Variants in UNC13C observed in about 807,000 individuals in gnomAD.
UNC13C encodes protein unc-13 homolog C.
UNC13C carries 174 observed loss-of-function variants against 245.4 expected under a neutral mutation model. The ratio of observed to expected loss-of-function variants is 0.71; its 90% confidence interval spans 0.63 to 0.80. UNC13C has a LOEUF of 0.80. UNC13C is among the 30% of genes least tolerant of loss of function. The pLI is 0.00. For missense variants in UNC13C, 2,829 were observed against 2,602.9 expected, an observed-to-expected ratio of 1.09 and a Z score of -1.89; for synonymous variants, 992 against 895.1, an observed-to-expected ratio of 1.11 and a Z score of -1.93.
At chr15:54,324,169 A>G (rs1458787766) in intron 14 of UNC13C, among the ~76,000 whole-genome samples, 1 of 152,086 alleles carries the variant, frequency 6.6e-6, no homozygotes, top group African/African-American at 2.4e-5. Context: ...TTTTCTAGCT[A>G]TCAAAAATAA....
At chr15:54,605,470 C>A (rs1262013159) in intron 30 of UNC13C, among the ~76,000 whole-genome samples, 1 of 152,116 alleles carries the variant, frequency 6.6e-6, no homozygotes, top group African/African-American at 2.4e-5. Flanking sequence ...CTTTGGAGCC[C>A]CCATACTTGT....
rs188694221 is a variant in UNC13C, at chr15:54,372,796, A to G, written c.4714-20252A>G. ...ATGCTCTAAAGCAGTGCTGGCCAAT[A>G]GAACTTTGTGCAGTGGTAGAAGCAT... is the stretch of plus-strand genomic sequence containing the variant. On this transcript the variant is annotated intron_variant, in intron 17 of 32. Transcript: ENST00000260323. Among the ~76,000 whole-genome samples the G allele has an allele frequency of 1.9e-3, 287 of 152,360 alleles. 5 individuals carry two copies. The highest frequency in any genetic ancestry group is 6.7e-3 in the African/African-American group (278 of 41,592).
chr15:54,541,083 G>A lies in UNC13C; in HGVS notation c.5697-5639G>A, dbSNP rs984318245. ...CAGTTTTCAAATTACAGGAGCCGGAGTTCCACATACATGCCTCAGGGGTCC... is the reference window on the plus strand; with the variant it reads ...CAGTTTTCAAATTACAGGAGCCGGAATTCCACATACATGCCTCAGGGGTCC... On this transcript the variant is annotated intron_variant, in intron 26 of 32. Coordinates refer to ENST00000260323, the MANE Select transcript of UNC13C (RefSeq NM_001080534.3). Among the ~76,000 whole-genome samples, 5 of 152,188 alleles carry A rather than the reference G, an allele frequency of 3.3e-5. No individual in the cohort carries two copies. The East Asian group carries it at 9.6e-4, about 29-fold the overall frequency.
the UNC13C span, among the ~76,000 whole-genome samples, chr15:53,847,701 G>C: frequency 6.6e-6 from 1 of 151,984 alleles, no homozygotes; most frequent in Admixed American, 6.6e-5. Flanking sequence ...CCTAGATTGA[G>C]AGGATATGGC....
intron 30 of UNC13C, among the ~76,000 whole-genome samples, chr15:54,602,181 T>C (rs1899474349): frequency 6.6e-6 from 1 of 152,188 alleles, no homozygotes; most frequent in Admixed American, 6.6e-5. Flanking sequence ...AAACCTGTAG[T>C]GGTTTCCATG....
intron 2 of UNC13C, among the ~76,000 whole-genome samples, chr15:54,135,005 A>G (rs1468310006): frequency 2.0e-5 from 3 of 152,100 alleles, no homozygotes; most frequent in African/African-American, 7.2e-5. Context: ...AATTATAACC[A>G]TTCTAACAGG....
rs1326600239 is a variant in UNC13C, at chr15:54,383,796, T to C, written c.4714-9252T>C. Among the ~76,000 whole-genome samples, 12 of 152,070 alleles carry C rather than the reference T, an allele frequency of 7.9e-5. 1 individual carries two copies. Among genetic ancestry groups the C allele is most frequent in the Admixed American group, 7.9e-4 (12 of 15,242 alleles). On this transcript the variant is annotated intron_variant, in intron 17 of 32. Transcript: ENST00000260323. Reference sequence around the variant, plus strand: ...AGACTACCAGAAAATTCTTAGAACTTATAAACAAAGTCAGTAAAGTTGAAG... The same window carrying C: ...AGACTACCAGAAAATTCTTAGAACTCATAAACAAAGTCAGTAAAGTTGAAG...
the UNC13C span, among the ~76,000 whole-genome samples, chr15:53,850,340 C>T: frequency 3.3e-5 from 5 of 151,932 alleles, no homozygotes; most frequent in African/African-American, 7.3e-5. Context: ...ACTTGAACCC[C>T]GGTGGTTGAG....
At chr15:54,341,742 C>T (rs545000789) in intron 17 of UNC13C, among the ~76,000 whole-genome samples, 5 of 151,952 alleles carry the variant, frequency 3.3e-5, no homozygotes, top group South Asian at 4.2e-4. Context: ...CTTGGGAGGC[C>T]GAGGCAGGTA....
chr15:54,193,935 GA>G (rs1320919364), intron 4 of UNC13C, among the ~76,000 whole-genome samples: 1 of 152,168 alleles, frequency 6.6e-6, no homozygotes, highest in Non-Finnish European at 1.5e-5. Context: ...AGGTTCTACT[GA>G]AGAGAACAGA....
intron 30 of UNC13C, among the ~76,000 whole-genome samples, chr15:54,607,013 G>T (rs985779713): frequency 1.3e-5 from 2 of 152,138 alleles, no homozygotes; most frequent in Non-Finnish European, 2.9e-5. Context: ...TTCCTGTGGA[G>T]AAATCAGGGA....
At chr15:54,529,955 T>G (rs1194302354) in intron 25 of UNC13C, among the ~76,000 whole-genome samples, 1 of 152,138 alleles carries the variant, frequency 6.6e-6, no homozygotes, top group Non-Finnish European at 1.5e-5. Context: ...TCTCCAAGAT[T>G]TGAATATCTT....
At position 54,589,275 on chromosome 15, in the gene UNC13C, A is replaced by ATCT. The variant is rs763547702; in HGVS notation, c.6106+21342_6106+21344dup. 3.4e-3 allele frequency among the ~76,000 whole-genome samples: 328 copies of ATCT among 95,178 alleles called. 7 individuals are homozygous for ATCT. The highest frequency in any genetic ancestry group is 0.012 in the African/African-American group (310 of 26,360). 62.4% of individuals were successfully genotyped at this position (95,178 alleles called of 152,430 possible). On this transcript the variant is annotated intron_variant, in intron 30 of 32. Transcript: ENST00000260323. The stretch of plus-strand genomic sequence containing the variant: ...TCATATGCTTGTTAGCCATTTGTAT[A>ATCT]TCTTCTTCTTCTTCTTTTTTTTTTT...
intron 17 of UNC13C, among the ~76,000 whole-genome samples, chr15:54,366,417 A>G (rs1291638826): frequency 6.6e-6 from 1 of 152,172 alleles, no homozygotes; most frequent in Non-Finnish European, 1.5e-5. Flanking sequence ...TTAAATCCCC[A>G]GGAAAAAAAG....
intron 10 of UNC13C, among the ~76,000 whole-genome samples, chr15:54,285,282 A>G (rs571952884): frequency 2.0e-4 from 30 of 152,244 alleles, no homozygotes; most frequent in African/African-American, 7.2e-4. Flanking sequence ...CCAATACTCC[A>G]ATAACTAAAT....
At chr15:54,433,808 A>G (rs1567268170) in intron 19 of UNC13C, among the ~76,000 whole-genome samples, 1 of 152,118 alleles carries the variant, frequency 6.6e-6, no homozygotes, top group Non-Finnish European at 1.5e-5. Context: ...CTGCTTGCAG[A>G]TGACATGATT....
intron 9 of UNC13C, among the ~76,000 whole-genome samples, chr15:54,265,007 C>T (rs2140890978): frequency 6.6e-6 from 1 of 152,080 alleles, no homozygotes; most frequent in South Asian, 2.1e-4. Flanking sequence ...GTTTGGATTA[C>T]AGGCCTTTGA....
At chr15:54,482,247 A>G (rs895500103) in intron 19 of UNC13C, among the ~76,000 whole-genome samples, 2 of 152,074 alleles carry the variant, frequency 1.3e-5, no homozygotes, top group Admixed American at 6.5e-5. Context: ...ACGTAAATGC[A>G]GGAGCTTTTA....
At chr15:54,064,700 T>A (rs2141085408) in intron 2 of UNC13C, among the ~76,000 whole-genome samples, 1 of 152,320 alleles carries the variant, frequency 6.6e-6, no homozygotes, top group South Asian at 2.1e-4. Context: ...AACCACTACC[T>A]ATAATCTTGT....
Sources: gnomAD v4.1 joint callset for allele counts (sites outside exome capture counted in the v4.1 genomes callset) on GRCh38, gnomAD v4.1.1 for gene constraint, MANE v1.5 for transcripts, NCBI Gene and HGNC (gene_info 2026-07-23, HGNC 2026-07-21) for gene names.